Variants in OXNAD1 observed in about 807,000 individuals in gnomAD.
OXNAD1 encodes the protein oxidoreductase NAD-binding domain-containing protein 1.
In OXNAD1, 34 loss-of-function variants were observed where a neutral mutation model predicts 32.9. That is an observed-to-expected ratio of 1.03 (90% CI 0.79 to 1.38). The LOEUF is 1.38. Ranked by LOEUF, OXNAD1 falls within the 40% of genes most tolerant of loss-of-function variation. The pLI is 0.00. For synonymous variants in OXNAD1, 134 were observed against 135.2 expected, an observed-to-expected ratio of 0.99 and a Z score of 0.06; for missense variants, 407 against 379.4, an observed-to-expected ratio of 1.07 and a Z score of -0.60.
At chr3:16,306,508 C>A (rs1029028483), downstream of OXNAD1, among the ~76,000 whole-genome samples, 3 of 152,022 alleles carry the variant, frequency 2.0e-5, no homozygotes, top group Admixed American at 2.0e-4. Flanking sequence ...TTCCTCATGG[C>A]CTCAAAAGTC....
chr3:16,342,453 T>G lies in OXNAD1; in HGVS notation c.*31-6723T>G, dbSNP rs561022078. ...TCATTTGATGAACATTTAAGTTGTTTCTACTTTTTGGACATTACAAATAAA... is the reference window on the plus strand; with the variant it reads ...TCATTTGATGAACATTTAAGTTGTTGCTACTTTTTGGACATTACAAATAAA... On this transcript the variant is annotated intron_variant, in intron 9 of 9. Coordinates refer to the OXNAD1 transcript ENST00000606098. This position sits in a 1 kb window ranked among gnomAD's most constrained non-coding sequence, Gnocchi z 4.0. Among the ~76,000 whole-genome samples the G allele has an allele frequency of 1.1e-4, 16 of 152,344 alleles. No individual in the cohort carries two copies. The South Asian group carries it at 3.1e-3, about 30-fold the overall frequency.
At position 16,286,375 on chromosome 3, in the gene OXNAD1, A is replaced by C. The variant is rs958598052; in HGVS notation, c.217A>C (p.Ser73Arg). 6.2e-7 allele frequency: 1 copy of C among 1,613,790 alleles called. No homozygotes were observed. The highest frequency in any genetic ancestry group is 1.7e-5 in the Admixed American group (1 of 59,992). Reference sequence around the variant, plus strand: ...AGCAGCTAAGGTGTGTGGAGCTGCCAGTGAGTCACCGTCAGTGAAGAGCCT... The same window carrying C: ...AGCAGCTAAGGTGTGTGGAGCTGCCCGTGAGTCACCGTCAGTGAAGAGCCT... ...VSAAKVCGAA[S>R]ESPSVKSLRL... is the part of the protein sequence containing the mutation. The change falls in exon 5 of 9, where the codon AGT becomes CGT. Residue 73 changes from serine (S) to arginine (R), a missense_variant. By Grantham distance (110) the Ser-to-Arg change is moderately radical (BLOSUM62 -1). Transcript: ENST00000285083.
At chr3:16,268,862 G>C (rs551961517) in intron 1 of OXNAD1, among the ~76,000 whole-genome samples, 1 of 152,282 alleles carries the variant, frequency 6.6e-6, no homozygotes, top group East Asian at 1.9e-4. Flanking sequence ...CCTTTGGTCT[G>C]CTGTTTCCTG....
In OXNAD1 at chr3:16,271,625, A is replaced by G; in HGVS notation, c.120-34A>G. ...TAATTTTATTATTTTTATGAGGATA[A>G]TATGTAATAACCTAATTTTACTTTC... On this transcript the variant is annotated intron_variant, in intron 3 of 8. Transcript: ENST00000285083. This position sits in a 1 kb window ranked among gnomAD's most constrained non-coding sequence, Gnocchi z 4.6. 6.8e-7 allele frequency: 1 copy of G among 1,477,288 alleles called. No individual in the cohort carries two copies. Among genetic ancestry groups the G allele is most frequent in the Non-Finnish European group, 9.3e-7 (1 of 1,077,912 alleles). The allele number at this position is 1,477,288 out of a possible 1,614,324, so 91.5% of individuals were successfully genotyped here. A position where few individuals can be genotyped will look rare whatever the true frequency, so the allele number is the denominator to read the frequency against.
In OXNAD1 at chr3:16,348,382, G is replaced by C. The variant is rs1304262231; in HGVS notation, c.*31-794G>C. ...TAATTATAAAAAAAAATTAATAGATGTGCCTTCTCTTCCAGCTGGCCTCTG... is the reference window on the plus strand; with the variant it reads ...TAATTATAAAAAAAAATTAATAGATCTGCCTTCTCTTCCAGCTGGCCTCTG... On this transcript the variant is annotated intron_variant, in intron 9 of 9. Coordinates refer to the OXNAD1 transcript ENST00000606098. This position sits in a 1 kb window ranked among gnomAD's most constrained non-coding sequence, Gnocchi z 6.3. Among the ~76,000 whole-genome samples the C allele has an allele frequency of 6.6e-6, 1 of 152,028 alleles. No individual in the cohort carries two copies. Among genetic ancestry groups the C allele is most frequent in the Non-Finnish European group, 1.5e-5 (1 of 68,018 alleles).
At chr3:16,332,179 C>T (rs2070386025) in intron 9 of OXNAD1, among the ~76,000 whole-genome samples, 2 of 151,778 alleles carry the variant, frequency 1.3e-5, no homozygotes, top group African/African-American at 2.4e-5. Flanking sequence ...TGTATTTTTC[C>T]CCCCTTTGAT....
chr3:16,329,912 C>T lies in OXNAD1; in HGVS notation c.*31-7200C>T, dbSNP rs972199366. ...CGGGCCAGGTTTTCTCTGCGGGCAC[C>T]CAGAGCTGCGAGACAATGAACGACC... On this transcript the variant is annotated intron_variant, in intron 9 of 9. Transcript: ENST00000435829. This position sits in a 1 kb window ranked among gnomAD's most constrained non-coding sequence, Gnocchi z 4.5. Among the ~76,000 whole-genome samples the T allele has an allele frequency of 2.0e-5, 3 of 152,122 alleles. No individual in the cohort carries two copies. The highest frequency in any genetic ancestry group is 1.3e-4 in the Admixed American group (2 of 15,282).
Position 16,271,835 on chromosome 3 carries a change from G to A in OXNAD1, c.183+113G>A, listed in dbSNP as rs1385629116. The A allele has an allele frequency of 1.1e-6, 1 of 910,016 alleles. No homozygotes were observed. The highest frequency in any genetic ancestry group is 1.7e-5 in the African/African-American group (1 of 57,828). 56.4% of individuals were successfully genotyped at this position (910,016 alleles called of 1,614,324 possible). A position where few individuals can be genotyped will look rare whatever the true frequency, so the allele number is the denominator to read the frequency against. On this transcript the variant is annotated intron_variant, in intron 4 of 8. Transcript: ENST00000285083. This position sits in a 1 kb window ranked among gnomAD's most constrained non-coding sequence, Gnocchi z 4.6. Reference sequence around the variant, plus strand: ...TCTGGTCCTTTTGAAGGAGAGTTGGGAAGTTTGTTATTTTTCTATTTAGAA... The same window carrying A: ...TCTGGTCCTTTTGAAGGAGAGTTGGAAAGTTTGTTATTTTTCTATTTAGAA...
downstream of OXNAD1, among the ~76,000 whole-genome samples, chr3:16,307,154 C>T (rs1049524170): frequency 1.4e-4 from 21 of 152,134 alleles, no homozygotes; most frequent in African/African-American, 5.1e-4. Flanking sequence ...TGAGTTGGTG[C>T]CTTAGCAACC....
chr3:16,265,923 C>T lies in OXNAD1; in HGVS notation c.-159+418C>T. 1.0e-6 allele frequency: 1 copy of T among 982,624 alleles called. No homozygotes were observed. Among genetic ancestry groups the T allele is most frequent in the Non-Finnish European group, 1.2e-6 (1 of 827,424 alleles). 60.9% of individuals were successfully genotyped at this position (982,624 alleles called of 1,614,324 possible). ...AGTAGGCAGGTTTATCAGTGTGAGGCCTATGTATGCCTTGAAGCGAAATGC... is the reference window on the plus strand; with the variant it reads ...AGTAGGCAGGTTTATCAGTGTGAGGTCTATGTATGCCTTGAAGCGAAATGC... On this transcript the variant is annotated intron_variant, in intron 1 of 8. Transcript: ENST00000285083. This position sits in a 1 kb window ranked among gnomAD's most constrained non-coding sequence, Gnocchi z 4.8.
At chr3:16,318,242 T>C (rs147381948) in intron 9 of OXNAD1, among the ~76,000 whole-genome samples, 1 of 143,988 alleles carries the variant, frequency 6.9e-6, no homozygotes, top group Non-Finnish European at 1.5e-5. Flanking sequence ...AGAGTGCACG[T>C]GGGGTTTTAG....
chr3:16,331,572 T>A (rs1373739204), intron 9 of OXNAD1, among the ~76,000 whole-genome samples: 3 of 152,162 alleles, frequency 2.0e-5, no homozygotes, highest in Non-Finnish European at 4.4e-5. Flanking sequence ...CCTGAACCCA[T>A]CACTAATTTA....
chr3:16,272,099 T>C (rs1336028307), intron 4 of OXNAD1: 4 of 428,032 alleles, frequency 9.3e-6, no homozygotes, highest in Non-Finnish European at 1.8e-5. Flanking sequence ...TCTTTTTTTT[T>C]TTTTTGCGTC....
chr3:16,285,735 C>T (rs1025764955), intron 4 of OXNAD1, among the ~76,000 whole-genome samples: 3 of 151,978 alleles, frequency 2.0e-5, no homozygotes, highest in African/African-American at 4.8e-5. Context: ...TATAAAATAT[C>T]GTGTGATAAA....
chr3:16,328,306 C>T (rs1317291664), intron 9 of OXNAD1, among the ~76,000 whole-genome samples: 1 of 152,176 alleles, frequency 6.6e-6, no homozygotes, highest in Non-Finnish European at 1.5e-5. Flanking sequence ...TCAGAGGCAG[C>T]GCGCGTGACC....
Position 16,299,270 on chromosome 3 carries a change from T to C in OXNAD1, c.433-2356T>C, listed in dbSNP as rs1339921683. ...GGAGGATATAGGAGATGAAATTCAT[T>C]GTCATCGTTAGGCAGAGCCTCTTGT... On this transcript the variant is annotated intron_variant, in intron 6 of 8. Transcript: ENST00000285083. This position sits in a 1 kb window ranked among gnomAD's most constrained non-coding sequence, Gnocchi z 4.4. Among the ~76,000 whole-genome samples, 1 of 152,190 alleles carries C rather than the reference T, an allele frequency of 6.6e-6. No individual in the cohort carries two copies.
At chr3:16,323,438 T>G (rs1475497677) in intron 9 of OXNAD1, 2 of 1,612,666 alleles carry the variant, frequency 1.2e-6, no homozygotes, top group East Asian at 2.2e-5. Context: ...ACAATCTGCT[T>G]GGTGGATACA....
chr3:16,350,492 CTTTT>C (rs11324617), downstream of OXNAD1, among the ~76,000 whole-genome samples: 1 of 146,562 alleles, frequency 6.8e-6, no homozygotes, highest in African/African-American at 2.5e-5. Flanking sequence ...AGATGAATCA[CTTTT>C]TTTTTTTTTT....
chr3:16,269,235 C>T lies in OXNAD1; in HGVS notation c.-49C>T. The T allele has an allele frequency of 2.0e-6, 3 of 1,535,334 alleles. No homozygotes were observed. Among genetic ancestry groups the T allele is most frequent in the Non-Finnish European group, 2.6e-6 (3 of 1,146,720 alleles). On this transcript the variant is annotated 5_prime_UTR_variant, in exon 2 of 9. Coordinates refer to ENST00000285083, the MANE Select transcript of OXNAD1 (RefSeq NM_138381.5). ...CCAAAATATTCTGTCAATCAGCTGA[C>T]CATATACTTAATGACTCCTAAAATC...
Sources: gnomAD v4.1 joint callset for allele counts (sites outside exome capture counted in the v4.1 genomes callset) on GRCh38, gnomAD v4.1.1 for gene constraint, Gnocchi (gnomAD v3.1) non-coding constraint, MANE v1.5 for transcripts, NCBI Gene and HGNC (gene_info 2026-07-23, HGNC 2026-07-21) for gene names.